Variants in CACHD1 observed in about 807,000 individuals in gnomAD.
CACHD1 encodes the protein VWFA and cache domain-containing protein 1.
In CACHD1, 71 loss-of-function variants were observed where a neutral mutation model predicts 138.7. The ratio of observed to expected loss-of-function variants is 0.51; its 90% CI spans 0.42 to 0.62. The LOEUF is 0.62. CACHD1 is among the 20% of genes least tolerant of loss of function. The pLI, the probability that CACHD1 is intolerant of heterozygous loss-of-function variation, is 0.00. For missense variants in CACHD1, 1,389 were observed against 1,625.3 expected (o/e 0.85, Z 2.50); for synonymous variants, 578 against 591.5 (o/e 0.98, Z 0.33).
At chr1:64,474,913 G>A (rs1646165790) in intron 1 of CACHD1, among the ~76,000 whole-genome samples, 1 of 152,204 alleles carries the variant, frequency 6.6e-6, no homozygotes, top group Admixed American at 6.5e-5. Flanking sequence ...GACAGCTGCT[G>A]GATGAGGCCT....
intron 7 of CACHD1, among the ~76,000 whole-genome samples, chr1:64,639,401 T>C (rs990660362): frequency 6.6e-6 from 1 of 152,250 alleles, no homozygotes; most frequent in Non-Finnish European, 1.5e-5. Flanking sequence ...ACATCTAATT[T>C]AAGACAAGAA....
chr1:64,650,196 G>A (rs1649042939), intron 9 of CACHD1, among the ~76,000 whole-genome samples: 1 of 152,164 alleles, frequency 6.6e-6, no homozygotes, highest in Non-Finnish European at 1.5e-5. Context: ...GTAAGATTGT[G>A]TTTCTTTTTT....
chr1:64,623,478 G>GTGCTACAGATAGCACACA (rs1346597035), intron 4 of CACHD1, among the ~76,000 whole-genome samples: 11 of 636 alleles, frequency 0.017, no homozygotes, highest in Non-Finnish European at 0.1. Flanking sequence ...CCCAGCCTGT[G>GTGCTACAGATAGCACACA]GCCTGTGTGC....
At chr1:64,525,202 A>G (rs1646528855) in intron 1 of CACHD1, among the ~76,000 whole-genome samples, 1 of 152,188 alleles carries the variant, frequency 6.6e-6, no homozygotes, top group African/African-American at 2.4e-5. Context: ...AAATCTGGAC[A>G]AGAAAAGTTT....
At chr1:64,594,738 C>G (rs1647136539) in intron 3 of CACHD1, among the ~76,000 whole-genome samples, 1 of 152,122 alleles carries the variant, frequency 6.6e-6, no homozygotes, top group Admixed American at 6.5e-5. Flanking sequence ...ATTTTTCTTT[C>G]TTTTTAAAAT....
chr1:64,646,214 T>C (rs1235294323), intron 8 of CACHD1, among the ~76,000 whole-genome samples: 1 of 152,172 alleles, frequency 6.6e-6, no homozygotes, highest in Non-Finnish European at 1.5e-5. Flanking sequence ...ATTGTTTTAC[T>C]TCTGTGAGCT....
At chr1:64,555,506 G>A (rs941791730) in intron 2 of CACHD1, among the ~76,000 whole-genome samples, 5 of 152,034 alleles carry the variant, frequency 3.3e-5, no homozygotes, top group Non-Finnish European at 5.9e-5. Context: ...TGCAACCTCC[G>A]CCTCCTGGGT....
chr1:64,508,708 T>C (rs1456490352), intron 1 of CACHD1, among the ~76,000 whole-genome samples: 2 of 152,204 alleles, frequency 1.3e-5, no homozygotes, highest in Non-Finnish European at 2.9e-5. Flanking sequence ...GTGAGAGGGC[T>C]AAGTAAGATA....
chr1:64,623,275 A>G (rs929359671), intron 4 of CACHD1, among the ~76,000 whole-genome samples: 1 of 151,850 alleles, frequency 6.6e-6, no homozygotes, highest in Non-Finnish European at 1.5e-5. Flanking sequence ...GGTGACGGGT[A>G]CCTATAATCC....
At chr1:64,522,199 GA>G (rs1406831101) in intron 1 of CACHD1, among the ~76,000 whole-genome samples, 1 of 152,138 alleles carries the variant, frequency 6.6e-6, no homozygotes, top group Non-Finnish European at 1.5e-5. Context: ...ACTATCTTTT[GA>G]GAAGACTCTT....
intron 14 of CACHD1, 55 bp downstream of exon 14, chr1:64,663,892 G>A (rs1036161749): frequency 6.2e-7 from 1 of 1,608,512 alleles, no homozygotes; most frequent in Non-Finnish European, 8.5e-7. Flanking sequence ...GGCCCAGCAG[G>A]GGGTGCTGGC....
chr1:64,629,585 G>A (rs1648230732), intron 5 of CACHD1, 104 bp downstream of exon 5: 1 of 1,321,686 alleles, frequency 7.6e-7, no homozygotes, highest in Non-Finnish European at 1.0e-6. Flanking sequence ...TTAAGCTGTG[G>A]ATTCAGAAAT....
At position 64,611,679 on chromosome 1, in the gene CACHD1, G is replaced by T. The variant is rs557055235; in HGVS notation, c.517+8767G>T. On this transcript the variant is annotated intron_variant, in intron 4 of 26. Transcript: ENST00000651257. ...GACCTCATTGTCCATATCACTGTCAGCATTTTGGTCCAAGCCATTCAACAA... is the reference window on the plus strand; with the variant it reads ...GACCTCATTGTCCATATCACTGTCATCATTTTGGTCCAAGCCATTCAACAA... 1.2e-4 allele frequency among the ~76,000 whole-genome samples: 18 copies of T among 152,296 alleles called. No homozygotes were observed. In the East Asian group the frequency reaches 2.3e-3, roughly 20 times the overall value.
intron 1 of CACHD1, among the ~76,000 whole-genome samples, chr1:64,486,612 T>A (rs915192737): frequency 2.0e-5 from 3 of 152,172 alleles, no homozygotes; most frequent in Admixed American, 2.0e-4. Context: ...AGCTGTGAGT[T>A]TTGCAGTTCT....
intron 16 of CACHD1, among the ~76,000 whole-genome samples, chr1:64,670,175 T>C (rs1337778908): frequency 6.6e-6 from 1 of 152,188 alleles, no homozygotes; most frequent in Non-Finnish European, 1.5e-5. Context: ...CATTGTTGTG[T>C]GTCTGTAGTC....
intron 4 of CACHD1, among the ~76,000 whole-genome samples, chr1:64,604,606 A>G (rs1647281109): frequency 6.6e-6 from 1 of 152,230 alleles, no homozygotes; most frequent in Non-Finnish European, 1.5e-5. Flanking sequence ...ACTGTAATCC[A>G]ACATTGTATG....
intron 1 of CACHD1, among the ~76,000 whole-genome samples, chr1:64,522,898 C>T (rs1010884311): frequency 3.9e-5 from 6 of 152,170 alleles, no homozygotes; most frequent in African/African-American, 1.4e-4. Context: ...AACATTGCAT[C>T]TTGGCTGCAA....
At chr1:64,511,117 G>C (rs1474238286) in intron 1 of CACHD1, among the ~76,000 whole-genome samples, 2 of 152,190 alleles carry the variant, frequency 1.3e-5, no homozygotes, top group East Asian at 1.9e-4. Context: ...TACAGGTATA[G>C]GACATTAAAG....
chr1:64,612,879 C>A (rs1647582903), intron 4 of CACHD1, among the ~76,000 whole-genome samples: 1 of 152,190 alleles, frequency 6.6e-6, no homozygotes, highest in South Asian at 2.1e-4. Context: ...AAATACATTT[C>A]ATAAGGCTGT....
Sources: allele counts gnomAD v4.1 joint callset (sites outside exome capture counted in the v4.1 genomes callset), GRCh38; gene constraint gnomAD v4.1.1; transcripts MANE v1.5; gene names NCBI Gene and HGNC (gene_info 2026-07-23, HGNC 2026-07-21).